PRR5: variants seen among roughly 807,000 people sequenced by gnomAD.
The protein encoded by PRR5 is proline rich 5.
PRR5 carries 25 observed loss-of-function variants against 30.6 expected under a neutral mutation model. That is an observed-to-expected ratio of 0.82 (90% CI 0.60 to 1.14). The LOEUF is 1.14. Ranked by LOEUF, PRR5 falls within the 50% of genes most tolerant of loss-of-function variation. The pLI is 0.00. For missense variants in PRR5, 600 were observed against 547.1 expected (o/e 1.10, Z -0.96); for synonymous variants, 286 against 247.1 (o/e 1.16, Z -1.48).
chr22:44,676,412 A>AAAAAAAAAG (rs1569060698), upstream of PRR5, among the ~76,000 whole-genome samples: 4 of 148,458 alleles, frequency 2.7e-5, no homozygotes, highest in African/African-American at 1.0e-4. Context: ...AAAAAAAAAA[A>AAAAAAAAAG]AAAGAAAGAA....
intron 2 of PRR5, among the ~76,000 whole-genome samples, chr22:44,716,210 A>C (rs530884771): frequency 2.0e-5 from 3 of 152,226 alleles, no homozygotes; most frequent in Non-Finnish European, 4.4e-5. Context: ...GATTCTACCC[A>C]AGAAATGGGT....
At chr22:44,718,624 G>A (rs894946474) in intron 2 of PRR5, among the ~76,000 whole-genome samples, 20 of 134,136 alleles carry the variant, frequency 1.5e-4, no homozygotes, top group African/African-American at 3.8e-4. Context: ...ACTTAGCAGC[G>A]TATAAGCAGG....
At chr22:44,670,774 G>A (rs926408147) in intron 1 of PRR5, among the ~76,000 whole-genome samples, 1 of 152,186 alleles carries the variant, frequency 6.6e-6, no homozygotes. Flanking sequence ...GGGCAGCGTG[G>A]TGTGGTGCCA....
intron 2 of PRR5, among the ~76,000 whole-genome samples, chr22:44,721,829 C>G (rs1929984304): frequency 6.6e-6 from 1 of 152,220 alleles, no homozygotes; most frequent in Non-Finnish European, 1.5e-5. Context: ...CCAGCCCTGA[C>G]TTGCTGAGCA....
intron 1 of PRR5, among the ~76,000 whole-genome samples, chr22:44,712,397 C>T (rs1928385148): frequency 1.3e-5 from 2 of 152,196 alleles, no homozygotes; most frequent in African/African-American, 2.4e-5. Flanking sequence ...AGAGCCTCCT[C>T]GAAGCATGTG....
At chr22:44,712,423 G>A (rs1028475836) in intron 1 of PRR5, among the ~76,000 whole-genome samples, 1 of 152,222 alleles carries the variant, frequency 6.6e-6, no homozygotes, top group African/African-American at 2.4e-5. Flanking sequence ...TGCAGCCTGT[G>A]ACCCTGCCCT....
chr22:44,722,351 C>G (rs1045999847), intron 2 of PRR5, among the ~76,000 whole-genome samples: 1 of 152,242 alleles, frequency 6.6e-6, no homozygotes, highest in Non-Finnish European at 1.5e-5. Flanking sequence ...ACTGGCCTGC[C>G]TCAGCACTGC....
In PRR5 at chr22:44,692,045, A is replaced by C. The variant is rs77002037; in HGVS notation, c.-10-10447A>C. On this transcript the variant is annotated intron_variant, in intron 1 of 8. Coordinates refer to the PRR5 transcript ENST00000006251. ...TGGACCGGAATTTCTGACTGGGAAT[A>C]GTCATTCCTGCCTCCCAGGGCTGTT... Among the ~76,000 whole-genome samples the C allele has an allele frequency of 2.6e-3, 394 of 152,208 alleles. 6 individuals carry two copies. The highest frequency in any genetic ancestry group is 9.2e-3 in the African/African-American group (380 of 41,508).
upstream of PRR5, among the ~76,000 whole-genome samples, chr22:44,676,133 C>G (rs1923741833): frequency 6.6e-6 from 1 of 151,830 alleles, no homozygotes; most frequent in South Asian, 2.1e-4. Context: ...TCAGTAACCC[C>G]AGCACTTTAG....
At chr22:44,692,320 C>CG in intron 1 of PRR5, among the ~76,000 whole-genome samples, 1 of 139,614 alleles carries the variant, frequency 7.2e-6, no homozygotes, top group South Asian at 2.5e-4. Context: ...CTCCTCCTCC[C>CG]GGGGCTCCTC....
At chr22:44,705,846 A>G (rs967514185) in intron 1 of PRR5, among the ~76,000 whole-genome samples, 1 of 152,016 alleles carries the variant, frequency 6.6e-6, no homozygotes, top group African/African-American at 2.4e-5. Flanking sequence ...GCTGGAGTGC[A>G]GTGGTGCAAT....
chr22:44,725,354 G>T, intron 3 of PRR5, 62 bp downstream of exon 3: 1 of 1,604,594 alleles, frequency 6.2e-7, no homozygotes, highest in Admixed American at 1.7e-5. Flanking sequence ...AAAGCACAGG[G>T]GCTCACCTGC....
upstream of PRR5, chr22:44,702,104 C>G (rs1157116801): frequency 8.9e-6 from 2 of 224,718 alleles, no homozygotes; most frequent in African/African-American, 4.7e-5. Flanking sequence ...CGCCCCCTCG[C>G]CTGAGGCCCC....
intron 6 of PRR5, among the ~76,000 whole-genome samples, chr22:44,733,816 G>T (rs1922684447): frequency 6.6e-6 from 1 of 152,240 alleles, no homozygotes; most frequent in Admixed American, 6.5e-5. Context: ...GGACATAGGA[G>T]CCTGTACCAG....
At chr22:44,696,721 G>GTATTTATTTATTTATTTATT (rs56370664) in intron 1 of PRR5, among the ~76,000 whole-genome samples, 5,540 of 147,968 alleles carry the variant, frequency 0.037, 178 homozygotes, top group African/African-American at 0.083. Flanking sequence ...ATGAACTTAC[G>GTATTTATTTATTTATTTATT]TATTTATTTA....
At chr22:44,673,487 T>C (rs1487332764), upstream of PRR5, among the ~76,000 whole-genome samples, 1 of 152,142 alleles carries the variant, frequency 6.6e-6, no homozygotes, top group Non-Finnish European at 1.5e-5. Flanking sequence ...ATCATCCCAT[T>C]GTACAGACCA....
chr22:44,679,661 GC>G, intron 1 of PRR5: 1 of 724,592 alleles, frequency 1.4e-6, no homozygotes, highest in Non-Finnish European at 2.2e-6. Flanking sequence ...AGCCGAGATC[GC>G]CCCATTGCAC....
intron 2 of PRR5, among the ~76,000 whole-genome samples, chr22:44,724,730 C>G (rs1241165497): frequency 6.6e-6 from 1 of 152,220 alleles, no homozygotes; most frequent in Non-Finnish European, 1.5e-5. Flanking sequence ...CTGCGAGCCT[C>G]TCTTGCCTCC....
chr22:44,729,889 G>T, intron 4 of PRR5: 11 of 985,500 alleles, frequency 1.1e-5, no homozygotes, highest in Non-Finnish European at 1.3e-5. Context: ...GAACTGAGCT[G>T]CCTTTCTTCC....
Sources: gnomAD v4.1 joint callset for allele counts (sites outside exome capture counted in the v4.1 genomes callset) on GRCh38, gnomAD v4.1.1 for gene constraint, MANE v1.5 for transcripts, NCBI Gene and HGNC (gene_info 2026-07-23, HGNC 2026-07-21) for gene names.